FAM227B: variants seen among roughly 807,000 people sequenced by gnomAD.
FAM227B encodes the protein protein FAM227B.
Under a neutral mutation model 73.8 loss-of-function variants are expected in FAM227B, and 88 were observed. That is an observed-to-expected ratio of 1.19 (90% confidence interval 1.00 to 1.42). The LOEUF (loss-of-function observed/expected upper bound fraction) is 1.42. FAM227B is among the 40% of genes most tolerant of loss of function. The pLI is 0.00. For missense variants in FAM227B, 632 were observed against 590.9 expected (o/e 1.07, Z -0.72); for synonymous variants, 210 against 190.5 (o/e 1.10, Z -0.84).
intron 13 of FAM227B, chr15:49,366,025 G>A (rs932608810): frequency 7.5e-6 from 6 of 802,036 alleles, no homozygotes; most frequent in Non-Finnish European, 1.4e-5. Context: ...AACTGTAAGA[G>A]GACTAAAAGT....
intron 11 of FAM227B, among the ~76,000 whole-genome samples, chr15:49,494,679 C>T (rs1001845642): frequency 3.3e-5 from 5 of 152,022 alleles, no homozygotes; most frequent in Non-Finnish European, 1.5e-5. Context: ...TTTAATCACA[C>T]TTGTTGGTTA....
intron 11 of FAM227B, among the ~76,000 whole-genome samples, chr15:49,426,955 T>C (rs1244616283): frequency 1.3e-5 from 2 of 151,990 alleles, no homozygotes; most frequent in Non-Finnish European, 2.9e-5. Flanking sequence ...GCTATCTTAT[T>C]GGAGAAGGAG....
At chr15:49,552,578 T>G (rs2073160052) in intron 9 of FAM227B, among the ~76,000 whole-genome samples, 1 of 152,208 alleles carries the variant, frequency 6.6e-6, no homozygotes, top group South Asian at 2.1e-4. Context: ...CTACCCCATC[T>G]CTTTTTCTAC....
In FAM227B at chr15:49,503,740, C is replaced by A. The variant is rs563337650; in HGVS notation, c.1012+4471G>T. Among the ~76,000 whole-genome samples, 6 of 152,252 alleles carry A rather than the reference C, an allele frequency of 3.9e-5. No homozygotes were observed. In the East Asian group the frequency reaches 1.2e-3, roughly 29 times the overall value. On this transcript the variant is annotated intron_variant, in intron 11 of 15. Coordinates refer to ENST00000299338, the MANE Select transcript of FAM227B (RefSeq NM_152647.3). ...ACCACAATGAGATACCATCTCACAC[C>A]AGTTAGAATGGTGATCATTAAAAAG... is the stretch of plus-strand genomic sequence containing the variant.
chr15:49,495,659 C>T (rs914993610), intron 11 of FAM227B, among the ~76,000 whole-genome samples: 1 of 152,120 alleles, frequency 6.6e-6, no homozygotes, highest in Non-Finnish European at 1.5e-5. Context: ...TTATATCCTA[C>T]TTCTAATGGT....
chr15:49,485,205 G>T (rs2056305216), intron 11 of FAM227B: 1 of 152,246 alleles, frequency 6.6e-6, no homozygotes, highest in African/African-American at 2.4e-5. Context: ...TTGTATATAA[G>T]ATAGCAACAG....
At chr15:49,531,766 T>C (rs1408998014) in intron 10 of FAM227B, among the ~76,000 whole-genome samples, 1 of 151,976 alleles carries the variant, frequency 6.6e-6, no homozygotes, top group Non-Finnish European at 1.5e-5. Flanking sequence ...CCTGGCACAA[T>C]TTAGATAATA....
intron 5 of FAM227B, 66 bp from the exon 6 acceptor site, chr15:49,577,730 TGTTCA>T: frequency 9.9e-7 from 1 of 1,014,832 alleles, no homozygotes; most frequent in Non-Finnish European, 1.5e-6. Flanking sequence ...TTAGTAAATT[TGTTCA>T]GTTAACTAGT....
intron 9 of FAM227B, among the ~76,000 whole-genome samples, chr15:49,542,711 A>AATAT (rs56759104): frequency 0.068 from 10,083 of 147,870 alleles, 477 homozygotes; most frequent in Non-Finnish European, 0.096. Flanking sequence ...TTTATATATA[A>AATAT]ATATATATAT....
intron 13 of FAM227B, among the ~76,000 whole-genome samples, chr15:49,337,542 ATACTTT>A (rs1205660729): frequency 4.4e-5 from 2 of 45,050 alleles, no homozygotes; most frequent in Non-Finnish European, 8.5e-5. Flanking sequence ...TTTTAGTATT[ATACTTT>A]AAGTTCTGGG....
chr15:49,547,284 A>G (rs1052235846), intron 9 of FAM227B, among the ~76,000 whole-genome samples: 1 of 151,918 alleles, frequency 6.6e-6, no homozygotes, highest in Non-Finnish European at 1.5e-5. Flanking sequence ...AGGAAGCACT[A>G]AACATGGAAA....
chr15:49,341,551 C>T (rs1378311541), intron 13 of FAM227B, among the ~76,000 whole-genome samples: 1 of 152,048 alleles, frequency 6.6e-6, no homozygotes, highest in African/African-American at 2.4e-5. Flanking sequence ...GAGGTTTCAC[C>T]ATGTTGCCCA....
At chr15:49,374,842 C>T (rs1440390694) in intron 11 of FAM227B, among the ~76,000 whole-genome samples, 1 of 152,218 alleles carries the variant, frequency 6.6e-6, no homozygotes, top group Non-Finnish European at 1.5e-5. Context: ...CCATGCCCGG[C>T]CTCATGAGTA....
At chr15:49,518,856 C>T (rs1312791681) in intron 10 of FAM227B, among the ~76,000 whole-genome samples, 1 of 152,170 alleles carries the variant, frequency 6.6e-6, no homozygotes, top group Non-Finnish European at 1.5e-5. Flanking sequence ...GCCCTTGCAA[C>T]AGTCCCCCAA....
intron 11 of FAM227B, among the ~76,000 whole-genome samples, chr15:49,492,030 C>G (rs2057154840): frequency 6.6e-6 from 1 of 151,726 alleles, no homozygotes; most frequent in African/African-American, 2.4e-5. Context: ...GTCTTGTCAT[C>G]ATGCCTACAT....
rs577227173 is a variant in FAM227B, at chr15:49,582,224, T to A, written c.406-4560A>T. Among the ~76,000 whole-genome samples, 134 of 152,304 alleles carry A rather than the reference T, an allele frequency of 8.8e-4. 5 individuals carry two copies. In the South Asian group the frequency reaches 0.027, roughly 30 times the overall value. On this transcript the variant is annotated intron_variant, in intron 5 of 15. Transcript: ENST00000299338. ...AGAACCAAGATCCACTAGTACGCTA[T>A]CTTCAAGAGACCCATCTTGTGTGCA...
intron 14 of FAM227B, 143 bp downstream of exon 14, chr15:49,335,276 C>A: frequency 1.7e-6 from 1 of 588,564 alleles, no homozygotes; most frequent in Non-Finnish European, 3.0e-6. Context: ...TGACACTTAC[C>A]TGAAAAGAAT....
Position 49,358,421 on chromosome 15 carries a change from C to G in FAM227B, c.1271+9027G>C, listed in dbSNP as rs546975589. ...ATACAAAATCAATGTACAAAAATCA[C>G]AAGCATTCTTATACACCAACAACAG... is the stretch of plus-strand genomic sequence containing the variant. On this transcript the variant is annotated intron_variant, in intron 13 of 15. Transcript: ENST00000299338. 2.3e-5 allele frequency among the ~76,000 whole-genome samples: 3 copies of G among 130,618 alleles called. No homozygotes were observed. The South Asian group carries it at 7.9e-4, about 34-fold the overall frequency. The allele number at this position is 130,618 out of a possible 152,430, so 85.7% of individuals were successfully genotyped here. A position where few individuals can be genotyped will look rare whatever the true frequency, so the allele number is the denominator to read the frequency against.
chr15:49,439,394 G>A (rs2051414966), intron 11 of FAM227B, among the ~76,000 whole-genome samples: 1 of 151,560 alleles, frequency 6.6e-6, no homozygotes, highest in Non-Finnish European at 1.5e-5. Context: ...TATTTTATTG[G>A]TCACACAGAC....
Sources: gnomAD v4.1 joint callset for allele counts (sites outside exome capture counted in the v4.1 genomes callset) on GRCh38, gnomAD v4.1.1 for gene constraint, MANE v1.5 for transcripts, NCBI Gene and HGNC (gene_info 2026-07-23, HGNC 2026-07-21) for gene names.